Variants in DAAM1 observed in about 807,000 individuals in gnomAD.
DAAM1 encodes the protein disheveled-associated activator of morphogenesis 1.
DAAM1 carries 52 observed loss-of-function variants against 130.0 expected under a neutral mutation model. That is an observed-to-expected ratio of 0.40 (90% CI 0.32 to 0.50). DAAM1 has a LOEUF of 0.50. Ranked by LOEUF, DAAM1 falls within the 20% of genes least tolerant of loss-of-function variation. The pLI is 0.61. For missense variants in DAAM1, 1,134 were observed against 1,303.8 expected (o/e 0.87, Z 2.01); for synonymous variants, 452 against 444.5 (o/e 1.02, Z -0.21).
At position 59,273,131 on chromosome 14, in the gene DAAM1, AT is replaced by A. The variant is rs1882802121; in HGVS notation, c.183+9474del. 2.0e-5 allele frequency among the ~76,000 whole-genome samples: 3 copies of A among 152,298 alleles called. No homozygotes were observed. The South Asian group carries it at 6.2e-4, about 32-fold the overall frequency. Reference sequence around the variant, plus strand: ...TAGAGACAGTAAGATGGTCAAAATGATTTCTTAAGTTTCCTTCTAATCCTCT... The same window carrying A: ...TAGAGACAGTAAGATGGTCAAAATGATTCTTAAGTTTCCTTCTAATCCTCT... On this transcript the variant is annotated intron_variant, in intron 2 of 24. Coordinates refer to ENST00000360909, the MANE Select transcript of DAAM1 (RefSeq NM_001270520.2).
intron 13 of DAAM1, 22 bp downstream of exon 13, chr14:59,330,710 A>G: frequency 6.3e-7 from 1 of 1,579,842 alleles, no homozygotes; most frequent in Non-Finnish European, 8.6e-7. Flanking sequence ...CGCTCAGCTC[A>G]CGGGCAGCTG....
At chr14:59,190,946 C>A (rs757869413) in intron 1 of DAAM1, among the ~76,000 whole-genome samples, 5 of 152,224 alleles carry the variant, frequency 3.3e-5, no homozygotes, top group Non-Finnish European at 5.9e-5. Context: ...ATTCCAGTAT[C>A]TGGACCCTTC....
At chr14:59,323,296 C>G in intron 6 of DAAM1, 71 bp downstream of exon 6, 1 of 1,430,758 alleles carries the variant, frequency 7.0e-7, no homozygotes, top group Non-Finnish European at 9.3e-7. Context: ...TTTTCCTGTC[C>G]CTGAAAGGGG....
At chr14:59,353,666 G>A (rs940518178) in intron 18 of DAAM1, among the ~76,000 whole-genome samples, 1 of 152,118 alleles carries the variant, frequency 6.6e-6, no homozygotes, top group Non-Finnish European at 1.5e-5. Context: ...TGGCCAAGTA[G>A]CCCCTGTAGG....
chr14:59,191,657 C>T (rs754026985), intron 1 of DAAM1, among the ~76,000 whole-genome samples: 1 of 152,124 alleles, frequency 6.6e-6, no homozygotes, highest in Admixed American at 6.5e-5. Context: ...TCACTCACAT[C>T]GACTGTTTCT....
chr14:59,213,425 A>G lies in DAAM1; in HGVS notation c.-38+24657A>G, dbSNP rs113259015. 2.5e-3 allele frequency among the ~76,000 whole-genome samples: 386 copies of G among 151,940 alleles called. 3 individuals are homozygous for G. Among genetic ancestry groups the G allele is most frequent in the African/African-American group, 8.8e-3 (366 of 41,448 alleles). ...CTTGTTTCACACATGATTAAATGCA[A>G]TGCCCAGAGTATTTTGGGGTTATCC... On this transcript the variant is annotated intron_variant, in intron 1 of 24. Transcript: ENST00000360909.
intron 2 of DAAM1, among the ~76,000 whole-genome samples, chr14:59,285,319 A>G (rs1319325559): frequency 6.6e-6 from 1 of 152,176 alleles, no homozygotes; most frequent in East Asian, 1.9e-4. Flanking sequence ...AGTGCTAAAT[A>G]TGGAAATGAA....
intron 1 of DAAM1, among the ~76,000 whole-genome samples, chr14:59,209,563 A>G (rs1274178866): frequency 1.3e-5 from 2 of 152,190 alleles, no homozygotes; most frequent in African/African-American, 2.4e-5. Context: ...CATTTTCAAT[A>G]TAGTATCTAA....
intron 17 of DAAM1, 106 bp from the exon 18 acceptor site, chr14:59,352,420 C>A: frequency 2.5e-6 from 2 of 795,066 alleles, no homozygotes; most frequent in Admixed American, 2.5e-5. Context: ...ATACACTCAA[C>A]AAGAGTTAAC....
intron 1 of DAAM1, among the ~76,000 whole-genome samples, chr14:59,204,207 A>G (rs896985456): frequency 6.6e-6 from 1 of 152,234 alleles, no homozygotes; most frequent in African/African-American, 2.4e-5. Flanking sequence ...TTAGCAGGCA[A>G]AAATCCAGGT....
chr14:59,269,185 A>G (rs1230224461), intron 2 of DAAM1, among the ~76,000 whole-genome samples: 4 of 152,242 alleles, frequency 2.6e-5, no homozygotes, highest in African/African-American at 7.2e-5. Context: ...TAAATGTGCA[A>G]TCTTATCAAA....
chr14:59,341,149 G>A (rs1594835453), intron 16 of DAAM1, among the ~76,000 whole-genome samples: 1 of 152,292 alleles, frequency 6.6e-6, no homozygotes. Flanking sequence ...GGGAGCAAAT[G>A]TTTCTTTTAA....
chr14:59,262,464 A>G (rs908545377), intron 1 of DAAM1, among the ~76,000 whole-genome samples: 1 of 152,228 alleles, frequency 6.6e-6, no homozygotes, highest in African/African-American at 2.4e-5. Context: ...AAAAGGGTAA[A>G]AATGAAAATG....
chr14:59,364,133 A>G (rs919679928), intron 23 of DAAM1, among the ~76,000 whole-genome samples: 2 of 152,232 alleles, frequency 1.3e-5, no homozygotes, highest in Non-Finnish European at 2.9e-5. Flanking sequence ...GGGAACCAGA[A>G]AAGAGTAGAT....
chr14:59,269,416 A>G (rs918834376), intron 2 of DAAM1, among the ~76,000 whole-genome samples: 2 of 152,260 alleles, frequency 1.3e-5, no homozygotes, highest in African/African-American at 2.4e-5. Flanking sequence ...TACATTACAC[A>G]GGAGTGAGCC....
chr14:59,359,476 C>T lies in DAAM1; in HGVS notation c.2605C>T (p.Arg869Ter), dbSNP rs148831209. 4 of 1,613,474 alleles carry T rather than the reference C, an allele frequency of 2.5e-6. No homozygotes were observed. The highest frequency in any genetic ancestry group is 2.7e-5 in the African/African-American group (2 of 74,898). Residue 869 changes from arginine to a stop codon, truncating the protein, a stop_gained, in exon 21 of 25, where the codon CGA becomes TGA. Coordinates refer to ENST00000360909, the MANE Select transcript of DAAM1 (RefSeq NM_001270520.2). LOFTEE classifies it high-confidence loss of function. ...TGTTCTCAATCTAAATGAAGAATTG[C>T]GAGATATTCCTCAAGCTGCGAAAGT... ...PSVLNLNEEL[R>*]DIPQAAKVNM... is the part of the protein sequence containing the mutation.
At chr14:59,348,083 C>A (rs1886150383) in intron 17 of DAAM1, among the ~76,000 whole-genome samples, 1 of 152,230 alleles carries the variant, frequency 6.6e-6, no homozygotes, top group Non-Finnish European at 1.5e-5. Flanking sequence ...ACACTGTCAT[C>A]TGTATCTAAA....
At chr14:59,311,804 T>C (rs912118005) in intron 3 of DAAM1, among the ~76,000 whole-genome samples, 3 of 152,228 alleles carry the variant, frequency 2.0e-5, no homozygotes, top group Non-Finnish European at 4.4e-5. Context: ...TCCTCCCACC[T>C]CAGCCTCCTG....
At chr14:59,254,946 G>T (rs1049475915) in intron 1 of DAAM1, among the ~76,000 whole-genome samples, 6 of 152,178 alleles carry the variant, frequency 3.9e-5, no homozygotes, top group African/African-American at 1.4e-4. Flanking sequence ...CTGAGGGTAT[G>T]CATGGACTTC....
Sources: allele counts gnomAD v4.1 joint callset (sites outside exome capture counted in the v4.1 genomes callset), GRCh38; gene constraint gnomAD v4.1.1; transcripts MANE v1.5; gene names NCBI Gene and HGNC (gene_info 2026-07-23, HGNC 2026-07-21).